The following PRKAG2 variants were observed in gnomAD, a reference collection of about 807,000 sequenced individuals.
PRKAG2 encodes the protein protein kinase AMP-activated non-catalytic subunit gamma 2.
In PRKAG2, 26 loss-of-function variants were observed where a neutral mutation model predicts 69.6. That is an observed-to-expected ratio of 0.37 (90% CI 0.27 to 0.52). PRKAG2 has a LOEUF of 0.52. PRKAG2 is among the 20% of genes least tolerant of loss of function. The pLI is 0.90. For synonymous variants in PRKAG2, 293 were observed against 285.0 expected (o/e 1.03, Z -0.28); for missense variants, 557 against 740.0 (o/e 0.75, Z 2.87).
intron 5 of PRKAG2, among the ~76,000 whole-genome samples, chr7:151,605,997 A>T (rs1817486255): frequency 2.0e-5 from 3 of 151,786 alleles, no homozygotes; most frequent in African/African-American, 7.3e-5. Context: ...CAGTGAGCTG[A>T]GATTGTGCTA....
rs756215060 is a variant in PRKAG2, at chr7:151,675,522, C to T, written c.582G>A (p.Ser194=). Residue 194 remains serine, a synonymous_variant, in exon 4 of 16, where the codon TCG becomes TCA. Coordinates refer to ENST00000287878, the MANE Select transcript of PRKAG2 (RefSeq NM_016203.4). ...TCTGCCCTGTGTCCGGGGGGGAAGA[C>T]GAGGCATAGATGCGATTCTCTAACC... ...PERLENRIYA[S]SSPPDTGQRF... The T allele has an allele frequency of 1.4e-5, 23 of 1,614,024 alleles. No individual in the cohort carries two copies. Among genetic ancestry groups the T allele is most frequent in the South Asian group, 8.8e-5 (8 of 91,082 alleles).
intron 3 of PRKAG2, among the ~76,000 whole-genome samples, chr7:151,733,937 C>T (rs1799359242): frequency 6.6e-6 from 1 of 152,088 alleles, no homozygotes; most frequent in Non-Finnish European, 1.5e-5. Context: ...TCAAGCAGTC[C>T]TCCCACCTCA....
intron 1 of PRKAG2, among the ~76,000 whole-genome samples, chr7:151,874,654 G>T (rs2080344329): frequency 6.6e-6 from 1 of 152,198 alleles, no homozygotes; most frequent in South Asian, 2.1e-4. Context: ...AGAGGTCAAG[G>T]TGGGCGGGTC....
At chr7:151,873,094 C>T (rs4725435) in intron 1 of PRKAG2, among the ~76,000 whole-genome samples, 47,650 of 152,164 alleles carry the variant, frequency 0.31, 8,302 homozygotes, top group East Asian at 0.55. Context: ...TTTTTAGTTA[C>T]TACAGCTGGC....
At chr7:151,625,571 G>A (rs1453569400) in intron 5 of PRKAG2, among the ~76,000 whole-genome samples, 1 of 152,204 alleles carries the variant, frequency 6.6e-6, no homozygotes, top group Non-Finnish European at 1.5e-5. Flanking sequence ...GGCAGAGCAG[G>A]TGCTGGGAGA....
At chr7:151,866,672 G>A (rs896324921) in intron 1 of PRKAG2, among the ~76,000 whole-genome samples, 3 of 152,276 alleles carry the variant, frequency 2.0e-5, no homozygotes, top group African/African-American at 4.8e-5. Context: ...TGAGGATGGG[G>A]CCCAGGTGAT....
In PRKAG2 at chr7:151,825,395, C is replaced by T. The variant is rs1038400579; in HGVS notation, c.115-38854G>A. On this transcript the variant is annotated intron_variant, in intron 1 of 15. Coordinates refer to ENST00000287878, the MANE Select transcript of PRKAG2 (RefSeq NM_016203.4). ...TTATGAAGACTTTGAGTATATGATT[C>T]GTACCCTCAATGATACCTTAAAATG... Among the ~76,000 whole-genome samples, 12 of 152,174 alleles carry T rather than the reference C, an allele frequency of 7.9e-5. No individual in the cohort carries two copies. The East Asian group carries it at 2.3e-3, about 29-fold the overall frequency.
intron 3 of PRKAG2, among the ~76,000 whole-genome samples, chr7:151,718,147 C>T (rs73158188): frequency 0.22 from 33,758 of 152,032 alleles, 4,263 homozygotes; most frequent in Non-Finnish European, 0.29. Context: ...GGGTGGCTTA[C>T]GTAACAGAAG....
intron 1 of PRKAG2, among the ~76,000 whole-genome samples, chr7:151,823,138 C>T (rs1244126192): frequency 2.6e-5 from 4 of 151,630 alleles, no homozygotes; most frequent in Non-Finnish European, 5.9e-5. Flanking sequence ...CTCTGCCAGG[C>T]GTGGCCCCTC....
At position 151,614,851 on chromosome 7, in the gene PRKAG2, TCTC is replaced by T. The variant is rs1246523980; in HGVS notation, c.754+17215_754+17217del. The stretch of plus-strand genomic sequence containing the variant: ...CTTGGCACTGGGCTCTCAGCCCCAG[TCTC>T]CTCACCTTTACACTGGAACAAAAGA... On this transcript the variant is annotated intron_variant, in intron 5 of 15. Coordinates refer to ENST00000287878, the MANE Select transcript of PRKAG2 (RefSeq NM_016203.4). The surrounding 1 kb of genome is among the most constrained non-coding windows in gnomAD (Gnocchi z 4.4). 6.6e-6 allele frequency among the ~76,000 whole-genome samples: 1 copy of T among 152,132 alleles called. No homozygotes were observed. Among genetic ancestry groups the T allele is most frequent in the East Asian group, 1.9e-4 (1 of 5,192 alleles).
chr7:151,796,182 A>C (rs943371870), intron 1 of PRKAG2, among the ~76,000 whole-genome samples: 3 of 151,826 alleles, frequency 2.0e-5, no homozygotes, highest in African/African-American at 7.3e-5. Flanking sequence ...CCAGGGTAAA[A>C]GCAGGCCGCT....
chr7:151,682,573 A>G (rs1271214270), intron 3 of PRKAG2, among the ~76,000 whole-genome samples: 1 of 152,148 alleles, frequency 6.6e-6, no homozygotes, highest in East Asian at 1.9e-4. Flanking sequence ...GTATTTCTTA[A>G]TCATAAGGTC....
At position 151,769,490 on chromosome 7, in the gene PRKAG2, G is replaced by A. The variant is rs1397416482; in HGVS notation, c.466+11662C>T. On this transcript the variant is annotated intron_variant, in intron 3 of 15. Coordinates refer to ENST00000287878, the MANE Select transcript of PRKAG2 (RefSeq NM_016203.4). Reference sequence around the variant, plus strand: ...TGATGAAGGCAGAGGCTGAAGTTACGCATCTACGAGCCAAGGAACCCCAGG... The same window carrying A: ...TGATGAAGGCAGAGGCTGAAGTTACACATCTACGAGCCAAGGAACCCCAGG... Among the ~76,000 whole-genome samples the A allele has an allele frequency of 7.2e-5, 11 of 152,316 alleles. No homozygotes were observed. In the East Asian group the frequency reaches 1.2e-3, roughly 16 times the overall value.
chr7:151,789,132 G>A (rs1211880554), intron 1 of PRKAG2, among the ~76,000 whole-genome samples: 1 of 151,966 alleles, frequency 6.6e-6, no homozygotes, highest in East Asian at 1.9e-4. Flanking sequence ...TCCCTATTTA[G>A]GGTCCCTTAA....
Position 151,567,068 on chromosome 7 carries a change from T to G in PRKAG2, c.1234-1183A>C, listed in dbSNP as rs1036850302. Among the ~76,000 whole-genome samples the G allele has an allele frequency of 2.0e-5, 3 of 152,202 alleles. No homozygotes were observed. Among genetic ancestry groups the G allele is most frequent in the African/African-American group, 7.2e-5 (3 of 41,442 alleles). On this transcript the variant is annotated intron_variant, in intron 11 of 15. Coordinates refer to ENST00000287878, the MANE Select transcript of PRKAG2 (RefSeq NM_016203.4). The surrounding 1 kb of genome is among the most constrained non-coding windows in gnomAD (Gnocchi z 4.2). ...GATCTCACGCTTTTACTCCCTCTTGTGCAACAGCACACTAGCAGAAATAGT... is the reference window on the plus strand; with the variant it reads ...GATCTCACGCTTTTACTCCCTCTTGGGCAACAGCACACTAGCAGAAATAGT...
At chr7:151,566,525 A>T (rs1342451769) in intron 11 of PRKAG2, 1 of 424,960 alleles carries the variant, frequency 2.4e-6, no homozygotes, top group Non-Finnish European at 4.7e-6. Context: ...AAAGTCTAGG[A>T]TCATGTTTGA....
At chr7:151,669,728 ACACACACACCTGTGCACACACCTGCATG>A (rs1491348045) in intron 4 of PRKAG2, among the ~76,000 whole-genome samples, 1 of 143,140 alleles carries the variant, frequency 7.0e-6, no homozygotes, top group Non-Finnish European at 1.5e-5. Context: ...ACCACCACCT[ACACACACACCTGTGCACACACCTGCATG>A]CACACACACC....
rs934180953 is a variant in PRKAG2 at position 151,638,777 on chromosome 7, A to G, written c.685-6639T>C. ...ACAATTGCCAAAAAAGCACTCCTTT[A>G]CGCACAGAGGTCGGATATGAGTTTG... is the stretch of plus-strand genomic sequence containing the variant. On this transcript the variant is annotated intron_variant, in intron 4 of 15. Coordinates refer to ENST00000287878, the MANE Select transcript of PRKAG2 (RefSeq NM_016203.4). This position sits in a 1 kb window ranked among gnomAD's most constrained non-coding sequence, Gnocchi z 4.3. 6.6e-6 allele frequency among the ~76,000 whole-genome samples: 1 copy of G among 152,252 alleles called. No homozygotes were observed. The highest frequency in any genetic ancestry group is 2.4e-5 in the African/African-American group (1 of 41,476).
At chr7:151,602,917 G>A (rs920154472) in intron 5 of PRKAG2, among the ~76,000 whole-genome samples, 1 of 152,196 alleles carries the variant, frequency 6.6e-6, no homozygotes, top group Non-Finnish European at 1.5e-5. Context: ...GTTCAGCCAT[G>A]ATTGTAAGTT....
Sources: allele counts gnomAD v4.1 joint callset (sites outside exome capture counted in the v4.1 genomes callset), GRCh38; gene constraint gnomAD v4.1.1; non-coding constraint Gnocchi (gnomAD v3.1); transcripts MANE v1.5; gene names NCBI Gene and HGNC (gene_info 2026-07-23, HGNC 2026-07-21).